CACNA1C: variants seen among roughly 807,000 people sequenced by gnomAD.
The protein encoded by CACNA1C is voltage-dependent L-type calcium channel subunit alpha-1C.
In CACNA1C, 30 loss-of-function variants were observed where a neutral mutation model predicts 229.0. The observed-to-expected ratio is 0.13, with a 90% confidence interval of 0.10 to 0.18. CACNA1C has a LOEUF of 0.18. Ranked by LOEUF, CACNA1C falls within the 10% of genes least tolerant of loss-of-function variation. The probability of loss-of-function intolerance (pLI) is 1.00; values close to 1 mark genes in which losing one functional copy is unlikely to be tolerated. For missense variants in CACNA1C, 1,658 were observed against 2,845.0 expected, an observed-to-expected ratio of 0.58 and a Z score of 9.49; for synonymous variants, 1,114 against 1,132.5, an observed-to-expected ratio of 0.98 and a Z score of 0.33.
intron 38 of CACNA1C, 143 bp downstream of exon 38, chr12:2,669,178 C>T: frequency 1.5e-6 from 1 of 674,508 alleles, no homozygotes; most frequent in African/African-American, 1.8e-5. Flanking sequence ...AACGTGCGCT[C>T]CAGGACATCG....
intron 3 of CACNA1C, among the ~76,000 whole-genome samples, chr12:2,164,168 A>G (rs2096080309): frequency 6.6e-6 from 1 of 152,142 alleles, no homozygotes. Context: ...TGGGGCTTTT[A>G]AGAATATCCC....
chr12:2,034,965 G>A lies in CACNA1C; in HGVS notation c.139+63764G>A, dbSNP rs2048837497. Among the ~76,000 whole-genome samples the A allele has an allele frequency of 6.6e-6, 1 of 152,260 alleles. No homozygotes were observed. The highest frequency in any genetic ancestry group is 2.4e-5 in the African/African-American group (1 of 41,464). ...GCTGGCGAGGCGAGGGGGTGAAGAG[G>A]AGAAGGAGGTCTGGGCACTGGAAGC... On this transcript the variant is annotated intron_variant, in intron 1 of 46. Transcript: ENST00000682462. This position sits in a 1 kb window ranked among gnomAD's most constrained non-coding sequence, Gnocchi z 4.1.
chr12:2,369,366 A>T (rs2097792949), intron 3 of CACNA1C, among the ~76,000 whole-genome samples: 1 of 151,706 alleles, frequency 6.6e-6, no homozygotes, highest in African/African-American at 2.4e-5. Flanking sequence ...CAGGGACTGG[A>T]TTGGTAAGTA....
chr12:2,299,539 C>T (rs2094389589), intron 3 of CACNA1C, among the ~76,000 whole-genome samples: 1 of 152,130 alleles, frequency 6.6e-6, no homozygotes, highest in African/African-American at 2.4e-5. Flanking sequence ...CTTCTCAGTC[C>T]TGAAATCATG....
chr12:2,199,197 AGG>A lies in CACNA1C; in HGVS notation c.477+78769_477+78770del, dbSNP rs571810789. On this transcript the variant is annotated intron_variant, in intron 3 of 46. Coordinates refer to ENST00000399655, the MANE Select transcript of CACNA1C (RefSeq NM_000719.7). ...ACCCAATTTCTTTTGGTACCAGGAG[AGG>A]GCCACTCTTGTTCTGGCCTCAGGGA... Among the ~76,000 whole-genome samples the A allele has an allele frequency of 4.4e-3, 671 of 152,120 alleles. 12 individuals are homozygous for A. Among genetic ancestry groups the A allele is most frequent in the South Asian group, 0.032 (155 of 4,806 alleles).
intron 7 of CACNA1C, among the ~76,000 whole-genome samples, chr12:2,502,983 C>T (rs1230864372): frequency 2.6e-5 from 4 of 152,188 alleles, no homozygotes; most frequent in Admixed American, 6.5e-5. Context: ...TCATAACTCT[C>T]CCAGATGTTT....
At chr12:2,568,706 C>G (rs1027175696) in intron 13 of CACNA1C, among the ~76,000 whole-genome samples, 11 of 151,930 alleles carry the variant, frequency 7.2e-5, no homozygotes, top group East Asian at 1.9e-4. Context: ...ATATGTGGCT[C>G]TTAGAGTAGT....
At position 2,610,715 on chromosome 12, in the gene CACNA1C, A is replaced by G; in HGVS notation, c.3717+16A>G. The G allele has an allele frequency of 6.2e-7, 1 of 1,613,964 alleles. No individual in the cohort carries two copies. ...GGCCATGCAGGTCAGTCCCAGGAGG[A>G]GCACAGCCATGGTGCTGCAGAAGGG... On this transcript the variant is annotated intron_variant, in intron 28 of 46. Coordinates refer to ENST00000399655, the MANE Select transcript of CACNA1C (RefSeq NM_000719.7).
At chr12:2,382,671 C>T (rs1397410461) in intron 3 of CACNA1C, among the ~76,000 whole-genome samples, 2 of 152,162 alleles carry the variant, frequency 1.3e-5, no homozygotes, top group Non-Finnish European at 2.9e-5. Flanking sequence ...TGCTGAGATT[C>T]GAAACCAGTC....
intron 20 of CACNA1C, 37 bp downstream of exon 20, chr12:2,596,040 T>C: frequency 6.3e-7 from 1 of 1,577,380 alleles, no homozygotes; most frequent in Non-Finnish European, 8.6e-7. Flanking sequence ...TCCTTCCCCC[T>C]GGGGCTGTGC....
In CACNA1C at chr12:2,585,426, G is replaced by A. The variant is rs1200916501; in HGVS notation, c.2390G>A (p.Gly797Glu). ...KQELVEKPAV[G>E]ESKEEKIELK... ...GAGTTGGTGGAGAAGCCGGCAGTGG[G>A]GGAATCCAAGGAGGAGAAGATTGAG... Residue 797 changes from glycine (G) to glutamate (E), a missense_variant, in exon 17 of 47, where the codon GGG becomes GAG. Transcript: ENST00000399655. This position sits in a 1 kb window ranked among gnomAD's most constrained non-coding sequence, Gnocchi z 4.1. 1 of 1,608,974 alleles carries A rather than the reference G, an allele frequency of 6.2e-7. No homozygotes were observed. Among genetic ancestry groups the A allele is most frequent in the Non-Finnish European group, 8.5e-7 (1 of 1,177,498 alleles).
intron 8 of CACNA1C, among the ~76,000 whole-genome samples, chr12:2,508,354 A>C (rs2099776370): frequency 6.6e-6 from 1 of 152,240 alleles, no homozygotes; most frequent in Non-Finnish European, 1.5e-5. Context: ...CTTCCATTTA[A>C]AGTGTGGAAA....
chr12:2,066,987 A>G (rs1215295837), intron 1 of CACNA1C, among the ~76,000 whole-genome samples: 4 of 152,124 alleles, frequency 2.6e-5, no homozygotes, highest in Non-Finnish European at 4.4e-5. Flanking sequence ...GAGACACCCA[A>G]AGAAATCCAC....
chr12:2,245,775 A>G (rs1426723354), intron 3 of CACNA1C, among the ~76,000 whole-genome samples: 1 of 152,182 alleles, frequency 6.6e-6, no homozygotes, highest in Non-Finnish European at 1.5e-5. Flanking sequence ...AGTCTTATTT[A>G]ACCTGCTTAG....
At chr12:2,687,562 A>G (rs2097571160) in intron 45 of CACNA1C, among the ~76,000 whole-genome samples, 1 of 148,092 alleles carries the variant, frequency 6.8e-6, no homozygotes, top group African/African-American at 2.5e-5. Context: ...TTTTTGAGAC[A>G]GAGTTTTGCT....
At chr12:2,126,637 C>T (rs1354412934) in intron 3 of CACNA1C, among the ~76,000 whole-genome samples, 1 of 152,202 alleles carries the variant, frequency 6.6e-6, no homozygotes, top group African/African-American at 2.4e-5. Flanking sequence ...CATCTTTTGG[C>T]TGGGCTTTCT....
At chr12:2,565,727 C>A (rs75184661) in intron 11 of CACNA1C, among the ~76,000 whole-genome samples, 1 of 152,112 alleles carries the variant, frequency 6.6e-6, no homozygotes, top group African/African-American at 2.4e-5. Flanking sequence ...GGCATGTGCC[C>A]ATTTTTCTGA....
intron 5 of CACNA1C, among the ~76,000 whole-genome samples, chr12:2,472,570 C>G (rs1281847863): frequency 6.6e-6 from 1 of 151,816 alleles, no homozygotes; most frequent in South Asian, 2.1e-4. Context: ...ATATATGTAT[C>G]TATATATGGA....
chr12:2,625,378 G>A (rs890266060), intron 29 of CACNA1C, among the ~76,000 whole-genome samples: 5 of 152,164 alleles, frequency 3.3e-5, no homozygotes, highest in South Asian at 2.1e-4. Flanking sequence ...GGAACACACC[G>A]GTCTGGTAGG....
Sources: allele counts gnomAD v4.1 joint callset (sites outside exome capture counted in the v4.1 genomes callset), GRCh38; gene constraint gnomAD v4.1.1; non-coding constraint Gnocchi (gnomAD v3.1); transcripts MANE v1.5; gene names NCBI Gene and HGNC (gene_info 2026-07-23, HGNC 2026-07-21).